The following INTS10 variants were observed in gnomAD, a reference collection of about 807,000 sequenced individuals.
The protein encoded by INTS10 is integrator complex subunit 10, also known as chromosome 8 open reading frame 35.
In INTS10, 44 loss-of-function variants were observed where a neutral mutation model predicts 94.4. That is an observed-to-expected ratio of 0.47 (90% CI 0.37 to 0.60). The LOEUF (loss-of-function observed/expected upper bound fraction) is 0.60, where lower values mean the gene tolerates loss of function less well. INTS10 is among the 20% of genes least tolerant of loss of function. The pLI, the probability that INTS10 is intolerant of heterozygous loss-of-function variation, is 0.00. For missense variants in INTS10, 797 were observed against 868.7 expected (o/e 0.92, Z 1.04); for synonymous variants, 341 against 320.7 (o/e 1.06, Z -0.68).
At chr8:19,836,618 C>T (rs1223517325) in intron 12 of INTS10, among the ~76,000 whole-genome samples, 1 of 152,204 alleles carries the variant, frequency 6.6e-6, no homozygotes, top group Non-Finnish European at 1.5e-5. Flanking sequence ...GCTAGTTTCT[C>T]CTGTGTGTAT....
At chr8:19,841,243 G>T (rs2068100036) in intron 13 of INTS10, among the ~76,000 whole-genome samples, 1 of 152,072 alleles carries the variant, frequency 6.6e-6, no homozygotes, top group Non-Finnish European at 1.5e-5. Context: ...AAATTTTAAG[G>T]TTGAAATGTG....
At chr8:19,835,026 G>A (rs2067541710) in intron 12 of INTS10, among the ~76,000 whole-genome samples, 2 of 151,926 alleles carry the variant, frequency 1.3e-5, no homozygotes, top group South Asian at 2.1e-4. Context: ...CCCTCACATT[G>A]GGGGTTAGGT....
rs1004578500 is a variant in INTS10, at chr8:19,822,740, A to C, written c.523+220A>C. Among the ~76,000 whole-genome samples the C allele has an allele frequency of 9.2e-5, 14 of 152,048 alleles. 1 individual carries two copies. The highest frequency in any genetic ancestry group is 8.5e-4 in the Admixed American group (13 of 15,270). On this transcript the variant is annotated intron_variant, in intron 5 of 16. Coordinates refer to ENST00000397977, the MANE Select transcript of INTS10 (RefSeq NM_018142.4). Reference sequence around the variant, plus strand: ...GCCAAGGTGGGTGGATCACGAGGTCAAGAGATCGAGACCATCCTGGCCAAC... The same window carrying C: ...GCCAAGGTGGGTGGATCACGAGGTCCAGAGATCGAGACCATCCTGGCCAAC...
Position 19,824,590 on chromosome 8 carries a change from G to C in INTS10, c.837-213G>C, listed in dbSNP as rs757170518. 6.4e-6 allele frequency: 3 copies of C among 471,010 alleles called. No homozygotes were observed. The East Asian group carries it at 1.1e-4, about 17-fold the overall frequency. 29.2% of individuals were successfully genotyped at this position (471,010 alleles called of 1,614,324 possible). ...CGTCTCCTAGATACTTCAGAGAAAA[G>C]AGAAGCTACTTAGCATGTTTGTGTC... On this transcript the variant is annotated intron_variant, in intron 7 of 16. Coordinates refer to ENST00000397977, the MANE Select transcript of INTS10 (RefSeq NM_018142.4).
chr8:19,840,987 G>A (rs897255972), intron 13 of INTS10, among the ~76,000 whole-genome samples: 8 of 152,086 alleles, frequency 5.3e-5, no homozygotes, highest in Non-Finnish European at 1.2e-4. Flanking sequence ...CTGATTAGGT[G>A]GATAGGACTG....
intron 9 of INTS10, among the ~76,000 whole-genome samples, chr8:19,827,878 C>T (rs1216989711): frequency 1.3e-5 from 2 of 152,156 alleles, no homozygotes; most frequent in Non-Finnish European, 2.9e-5. Context: ...TCTTGCTTTG[C>T]TCACAGTGTT....
chr8:19,820,830 T>C (rs17091548), intron 4 of INTS10: 3,692 of 215,588 alleles, frequency 0.017, 147 homozygotes, highest in African/African-American at 0.079. Context: ...GCGTAGAGTT[T>C]ATAGTCTTAA....
intron 9 of INTS10, 70 bp from the exon 10 acceptor site, chr8:19,830,336 C>G: frequency 7.4e-7 from 1 of 1,350,486 alleles, no homozygotes; most frequent in Non-Finnish European, 1.0e-6. Context: ...AAACTGGCAG[C>G]AATAATATGT....
chr8:19,842,953 A>G, intron 14 of INTS10, 26 bp downstream of exon 14: 1 of 1,400,048 alleles, frequency 7.1e-7, no homozygotes, highest in Non-Finnish European at 1.0e-6. Context: ...ATTAGCTTGA[A>G]AAAAAATGTA....
chr8:19,826,343 A>G (rs2066788175), intron 8 of INTS10, 83 bp from the exon 9 acceptor site: 1 of 1,405,878 alleles, frequency 7.1e-7, no homozygotes, highest in Non-Finnish European at 9.6e-7. Context: ...CAGCCTCCCA[A>G]AGGGCTGGGA....
At chr8:19,845,828 T>G (rs749150962) in intron 16 of INTS10, 31 bp downstream of exon 16, 1 of 1,443,124 alleles carries the variant, frequency 6.9e-7, no homozygotes, top group Non-Finnish European at 9.8e-7. Flanking sequence ...TCTTCCATGC[T>G]GAGTGCTCAC....
At chr8:19,833,133 A>G in intron 11 of INTS10, 36 bp from the exon 12 acceptor site, 1 of 1,488,822 alleles carries the variant, frequency 6.7e-7, no homozygotes, top group Non-Finnish European at 9.0e-7. Context: ...TTTAACAGCG[A>G]TGCTTTTCCC....
Position 19,851,896 on chromosome 8 carries a change from A to G in INTS10, c.*91A>G. Reference sequence around the variant, plus strand: ...ATTGCCATGGCACAGAGCCGTGGTCATTGTTGCTGTTACAAAGAAGAAAAC... The same window carrying G: ...ATTGCCATGGCACAGAGCCGTGGTCGTTGTTGCTGTTACAAAGAAGAAAAC... On this transcript the variant is annotated 3_prime_UTR_variant, in exon 17 of 17. Transcript: ENST00000397977. The surrounding 1 kb of genome is among the most constrained non-coding windows in gnomAD (Gnocchi z 5.0). The G allele has an allele frequency of 2.6e-6, 3 of 1,150,094 alleles. No individual in the cohort carries two copies. Among genetic ancestry groups the G allele is most frequent in the East Asian group, 4.9e-5 (2 of 40,446 alleles). The allele number at this position is 1,150,094 out of a possible 1,614,324, so 71.2% of individuals were successfully genotyped here.
chr8:19,826,347 G>T (rs963599903), intron 8 of INTS10, 79 bp from the exon 9 acceptor site: 2 of 1,428,340 alleles, frequency 1.4e-6, no homozygotes, highest in African/African-American at 2.9e-5. Flanking sequence ...CTCCCAAAGG[G>T]CTGGGATTGC....
chr8:19,824,788 T>C lies in INTS10; in HGVS notation c.837-15T>C. Reference sequence around the variant, plus strand: ...CAGAGTAATCAAATAAGTTTCATCATTCCTTCCTTTTTAGAAGCTATGGAG... The same window carrying C: ...CAGAGTAATCAAATAAGTTTCATCACTCCTTCCTTTTTAGAAGCTATGGAG... On this transcript the variant is annotated splice_polypyrimidine_tract_variant and intron_variant, in intron 7 of 16. Coordinates refer to ENST00000397977, the MANE Select transcript of INTS10 (RefSeq NM_018142.4). 6.3e-7 allele frequency: 1 copy of C among 1,587,512 alleles called. No individual in the cohort carries two copies. Among genetic ancestry groups the C allele is most frequent in the Non-Finnish European group, 8.6e-7 (1 of 1,162,580 alleles).
In INTS10 at chr8:19,825,087, A is replaced by C. The variant is rs1328547045; in HGVS notation, c.1006+115A>C. 4.9e-6 allele frequency: 4 copies of C among 813,094 alleles called. No homozygotes were observed. The East Asian group carries it at 7.7e-5, about 16-fold the overall frequency. The allele number at this position is 813,094 out of a possible 1,614,324, so 50.4% of individuals were successfully genotyped here. A position where few individuals can be genotyped will look rare whatever the true frequency, so the allele number is the denominator to read the frequency against. ...ATCCGAATAACTGTGGGGCAGTACC[A>C]GTCCTTTTTATAGTTGGCGATTTAG... On this transcript the variant is annotated intron_variant, in intron 8 of 16. Transcript: ENST00000397977.
intron 9 of INTS10, among the ~76,000 whole-genome samples, chr8:19,827,129 G>A (rs1202983701): frequency 6.6e-6 from 1 of 152,166 alleles, no homozygotes; most frequent in Non-Finnish European, 1.5e-5. Flanking sequence ...AGAGGGAAAA[G>A]TGTGCACAAA....
At chr8:19,840,588 A>C (rs2068055193) in intron 13 of INTS10, among the ~76,000 whole-genome samples, 1 of 152,244 alleles carries the variant, frequency 6.6e-6, no homozygotes. Context: ...AAATATCGAC[A>C]TAAGAATGGA....
intron 8 of INTS10, among the ~76,000 whole-genome samples, chr8:19,825,903 CAG>C (rs1375332260): frequency 2.6e-5 from 4 of 152,224 alleles, no homozygotes; most frequent in African/African-American, 9.6e-5. Flanking sequence ...CTATTAGTGA[CAG>C]GGAATCTTTA....
Sources: allele counts gnomAD v4.1 joint callset (sites outside exome capture counted in the v4.1 genomes callset), GRCh38; gene constraint gnomAD v4.1.1; non-coding constraint Gnocchi (gnomAD v3.1); transcripts MANE v1.5; gene names NCBI Gene and HGNC (gene_info 2026-07-23, HGNC 2026-07-21).